LRRC20: variants seen among roughly 807,000 people sequenced by gnomAD.
LRRC20 encodes the protein leucine-rich repeat-containing protein 20.
In LRRC20, 11 loss-of-function variants were observed where a neutral mutation model predicts 14.4. The ratio of observed to expected loss-of-function variants is 0.77; its 90% CI spans 0.48 to 1.27. The LOEUF (loss-of-function observed/expected upper bound fraction) is 1.27. Among genes scored for constraint, LRRC20 ranks in the 50% most tolerant of loss-of-function variants. LRRC20 has a pLI of 0.00. For missense variants in LRRC20, 219 were observed against 251.2 expected (o/e 0.87, Z 0.87); for synonymous variants, 121 against 107.3 (o/e 1.13, Z -0.79).
chr10:70,367,999 T>TATG (rs1403701408), intron 2 of LRRC20, among the ~76,000 whole-genome samples: 17 of 145,900 alleles, frequency 1.2e-4, no homozygotes, highest in South Asian at 6.7e-4. Context: ...TATGTTATTT[T>TATG]TTGAGATGGA....
intron 2 of LRRC20, among the ~76,000 whole-genome samples, chr10:70,369,397 C>T (rs959304901): frequency 1.3e-5 from 2 of 152,164 alleles, no homozygotes. Flanking sequence ...CAGCAGGTCA[C>T]CTACACTCAG....
intron 4 of LRRC20, among the ~76,000 whole-genome samples, chr10:70,310,487 T>C (rs796341398): frequency 9.2e-5 from 14 of 152,234 alleles, no homozygotes; most frequent in African/African-American, 3.4e-4. Context: ...GCGGCTTCCT[T>C]TGCCACTCCC....
At chr10:70,379,975 G>T (rs1185675462) in intron 1 of LRRC20, among the ~76,000 whole-genome samples, 1 of 152,158 alleles carries the variant, frequency 6.6e-6, no homozygotes, top group Non-Finnish European at 1.5e-5. Context: ...AATCTAATGC[G>T]GCCGCTGGTC....
At chr10:70,310,875 CT>C (rs1177532204) in intron 4 of LRRC20, among the ~76,000 whole-genome samples, 4 of 152,228 alleles carry the variant, frequency 2.6e-5, no homozygotes, top group Non-Finnish European at 4.4e-5. Flanking sequence ...TAGTCTTCCC[CT>C]TTGACACTAG....
At chr10:70,366,018 C>T (rs1330784092) in intron 2 of LRRC20, among the ~76,000 whole-genome samples, 2 of 147,924 alleles carry the variant, frequency 1.4e-5, no homozygotes, top group African/African-American at 2.5e-5. Flanking sequence ...TGCAGTGAGC[C>T]GAGATTGTGC....
intron 1 of LRRC20, among the ~76,000 whole-genome samples, chr10:70,379,456 T>C (rs929731244): frequency 6.6e-6 from 1 of 152,220 alleles, no homozygotes; most frequent in Non-Finnish European, 1.5e-5. Flanking sequence ...CCTAGGACTC[T>C]TCCCACCATT....
At chr10:70,328,962 A>G (rs568008323) in intron 3 of LRRC20, among the ~76,000 whole-genome samples, 1 of 152,328 alleles carries the variant, frequency 6.6e-6, no homozygotes, top group East Asian at 1.9e-4. Flanking sequence ...TGGATTATGG[A>G]ACCTTTGCAG....
At chr10:70,350,870 C>T (rs1432496240) in intron 2 of LRRC20, among the ~76,000 whole-genome samples, 3 of 152,170 alleles carry the variant, frequency 2.0e-5, no homozygotes, top group East Asian at 3.8e-4. Context: ...CTTTGGCCGA[C>T]GTTTGCCAAA....
At position 70,300,326 on chromosome 10, in the gene LRRC20, C is replaced by G. The variant is rs1173697513; in HGVS notation, c.*1028G>C. 2 of 975,126 alleles carry G rather than the reference C, an allele frequency of 2.1e-6. No homozygotes were observed. Among genetic ancestry groups the G allele is most frequent in the East Asian group, 2.3e-4 (2 of 8,772 alleles). 60.4% of individuals were successfully genotyped at this position (975,126 alleles called of 1,614,324 possible). A position where few individuals can be genotyped will look rare whatever the true frequency, so the allele number is the denominator to read the frequency against. On this transcript the variant is annotated 3_prime_UTR_variant, in exon 5 of 5. Coordinates refer to ENST00000446961, the MANE Select transcript of LRRC20 (RefSeq NM_001278212.2). ...AGTTCCATGTCCTGGGAAACCAGGACAGCTGGTCACCCTGTTGCCTGACCA... is the reference window on the plus strand; with the variant it reads ...AGTTCCATGTCCTGGGAAACCAGGAGAGCTGGTCACCCTGTTGCCTGACCA...
At chr10:70,374,330 T>C (rs1178336117) in intron 2 of LRRC20, among the ~76,000 whole-genome samples, 1 of 148,624 alleles carries the variant, frequency 6.7e-6, no homozygotes, top group Non-Finnish European at 1.5e-5. Context: ...GGAGCTGCTG[T>C]GTCCCTATCC....
intron 2 of LRRC20, among the ~76,000 whole-genome samples, chr10:70,342,900 C>A (rs1183374035): frequency 1.3e-5 from 2 of 152,202 alleles, no homozygotes; most frequent in Non-Finnish European, 2.9e-5. Context: ...AAACTCTCAT[C>A]TTTTCCCCAA....
intron 2 of LRRC20, among the ~76,000 whole-genome samples, chr10:70,344,394 T>C (rs1843009025): frequency 6.6e-6 from 1 of 152,048 alleles, no homozygotes; most frequent in Non-Finnish European, 1.5e-5. Flanking sequence ...GCAAAGCGGC[T>C]AATCAAATAA....
intron 2 of LRRC20, among the ~76,000 whole-genome samples, chr10:70,344,630 G>A (rs528345857): frequency 1.3e-5 from 2 of 152,286 alleles, no homozygotes; most frequent in East Asian, 3.9e-4. Flanking sequence ...GCAGTGGCAC[G>A]ATCTCGGCTC....
At chr10:70,361,065 GA>G (rs1843702920) in intron 2 of LRRC20, among the ~76,000 whole-genome samples, 1 of 122,112 alleles carries the variant, frequency 8.2e-6, no homozygotes, top group South Asian at 2.9e-4. Context: ...AAAAAAAAAA[GA>G]GAGAGAGAGA....
intron 2 of LRRC20, among the ~76,000 whole-genome samples, chr10:70,373,856 A>T (rs1369437435): frequency 6.6e-6 from 1 of 152,180 alleles, no homozygotes; most frequent in Non-Finnish European, 1.5e-5. Context: ...CAGGGTGGCC[A>T]GAGAACTGCT....
intron 2 of LRRC20, among the ~76,000 whole-genome samples, chr10:70,367,815 TTATATATATA>T (rs1255807915): frequency 6.6e-6 from 1 of 151,532 alleles, no homozygotes; most frequent in Non-Finnish European, 1.5e-5. Flanking sequence ...AGGGTAAATT[TTATATATATA>T]AATTATAACA....
Position 70,301,205 on chromosome 10 carries a change from T to C in LRRC20, c.*149A>G. The C allele has an allele frequency of 7.0e-7, 1 of 1,425,816 alleles. No homozygotes were observed. Among genetic ancestry groups the C allele is most frequent in the Non-Finnish European group, 9.1e-7 (1 of 1,093,838 alleles). 88.3% of individuals were successfully genotyped at this position (1,425,816 alleles called of 1,614,324 possible). On this transcript the variant is annotated 3_prime_UTR_variant, in exon 5 of 5. Coordinates refer to ENST00000446961, the MANE Select transcript of LRRC20 (RefSeq NM_001278212.2). Reference sequence around the variant, plus strand: ...GAGCCCACTACTGCTGTAAGCTATCTATCCAGACCAGCTGCACCCCACCCA... The same window carrying C: ...GAGCCCACTACTGCTGTAAGCTATCCATCCAGACCAGCTGCACCCCACCCA...
At chr10:70,303,568 T>A (rs1277475608) in intron 4 of LRRC20, among the ~76,000 whole-genome samples, 3 of 152,182 alleles carry the variant, frequency 2.0e-5, no homozygotes, top group African/African-American at 7.2e-5. Flanking sequence ...TTTCAAGCTG[T>A]CATCCACCTA....
chr10:70,369,397 C>G (rs959304901), intron 2 of LRRC20, among the ~76,000 whole-genome samples: 1 of 152,164 alleles, frequency 6.6e-6, no homozygotes, highest in Non-Finnish European at 1.5e-5. Context: ...CAGCAGGTCA[C>G]CTACACTCAG....
Sources: allele counts gnomAD v4.1 joint callset (sites outside exome capture counted in the v4.1 genomes callset), GRCh38; gene constraint gnomAD v4.1.1; transcripts MANE v1.5; gene names NCBI Gene and HGNC (gene_info 2026-07-23, HGNC 2026-07-21).